XRCC4: variants seen among roughly 807,000 people sequenced by gnomAD.
The protein encoded by XRCC4 is DNA repair protein XRCC4.
Under a neutral mutation model 39.1 loss-of-function variants are expected in XRCC4, and 28 were observed. The observed-to-expected ratio is 0.72, with a 90% CI of 0.53 to 0.98. XRCC4 has a LOEUF of 0.98. Ranked by LOEUF, XRCC4 falls within the 50% of genes least tolerant of loss-of-function variation. The probability of loss-of-function intolerance (pLI) is 0.00; values close to 1 mark genes in which losing one functional copy is unlikely to be tolerated. For synonymous variants in XRCC4, 123 were observed against 126.4 expected (o/e 0.97, Z 0.18); for missense variants, 350 against 376.4 (o/e 0.93, Z 0.58).
intron 3 of XRCC4, among the ~76,000 whole-genome samples, chr5:83,167,034 A>G (rs542040391): frequency 2.0e-5 from 3 of 151,510 alleles, no homozygotes; most frequent in African/African-American, 7.3e-5. Context: ...GGCACACACC[A>G]CCATGCCTGG....
At chr5:83,310,885 C>T (rs1280480092) in intron 7 of XRCC4, 5 of 455,812 alleles carry the variant, frequency 1.1e-5, no homozygotes, top group African/African-American at 4.0e-5. Flanking sequence ...TAAGGAGGAA[C>T]GTGAGCCAAC....
chr5:83,196,166 G>A (rs1375766731), intron 4 of XRCC4, among the ~76,000 whole-genome samples: 1 of 151,872 alleles, frequency 6.6e-6, no homozygotes, highest in African/African-American at 2.4e-5. Flanking sequence ...AAACAATAAG[G>A]ATTAATTGGG....
intron 7 of XRCC4, among the ~76,000 whole-genome samples, chr5:83,338,169 A>G (rs189877300): frequency 6.6e-6 from 1 of 152,338 alleles, no homozygotes; most frequent in Admixed American, 6.5e-5. Flanking sequence ...TTTTTTTGTT[A>G]TGCCAAGGAA....
At chr5:83,173,558 A>G (rs1749823780) in intron 3 of XRCC4, among the ~76,000 whole-genome samples, 1 of 152,156 alleles carries the variant, frequency 6.6e-6, no homozygotes, top group South Asian at 2.1e-4. Flanking sequence ...CTAAAATCAT[A>G]AAGAAGAGAT....
rs148474303 is a variant in XRCC4, at chr5:83,286,171, T to G, written c.893+27494T>G. On this transcript the variant is annotated intron_variant, in intron 7 of 7. Coordinates refer to ENST00000396027, the MANE Select transcript of XRCC4 (RefSeq NM_003401.5). ...AATGGACTGAATTGGTCTGTCTGCG[T>G]GAATTTCACTTTCCTTTCTCAATTA... 9.2e-5 allele frequency among the ~76,000 whole-genome samples: 14 copies of G among 152,250 alleles called. No homozygotes were observed. In the East Asian group the frequency reaches 1.9e-3, roughly 21 times the overall value.
chr5:83,245,639 T>C (rs1753072046), intron 6 of XRCC4, among the ~76,000 whole-genome samples: 1 of 152,072 alleles, frequency 6.6e-6, no homozygotes, highest in Admixed American at 6.5e-5. Context: ...AGATTTCCAA[T>C]AAAAATGTTC....
At chr5:83,235,901 C>T (rs1713653156) in intron 6 of XRCC4, among the ~76,000 whole-genome samples, 1 of 151,790 alleles carries the variant, frequency 6.6e-6, no homozygotes, top group African/African-American at 2.4e-5. Flanking sequence ...ATGCAAAAAT[C>T]AGTAATATAT....
chr5:83,344,221 T>A (rs1756850793), intron 7 of XRCC4, among the ~76,000 whole-genome samples: 1 of 151,740 alleles, frequency 6.6e-6, no homozygotes, highest in African/African-American at 2.4e-5. Context: ...TAAATAAATA[T>A]AATCATTTAT....
At chr5:83,100,813 G>A (rs1745896844) in intron 1 of XRCC4, among the ~76,000 whole-genome samples, 1 of 151,994 alleles carries the variant, frequency 6.6e-6, no homozygotes, top group South Asian at 2.1e-4. Context: ...AACAGTAACA[G>A]ATTTTCCAGT....
intron 3 of XRCC4, among the ~76,000 whole-genome samples, chr5:83,184,774 C>G (rs1411419959): frequency 6.6e-6 from 1 of 152,042 alleles, no homozygotes; most frequent in Non-Finnish European, 1.5e-5. Context: ...TTCATAGGCA[C>G]TCTGGAATGC....
At chr5:83,182,725 T>A (rs758832907) in intron 3 of XRCC4, among the ~76,000 whole-genome samples, 8 of 152,076 alleles carry the variant, frequency 5.3e-5, no homozygotes, top group Admixed American at 1.3e-4. Flanking sequence ...GAGGGCCAGG[T>A]CCTAATGAAT....
intron 3 of XRCC4, among the ~76,000 whole-genome samples, chr5:83,160,647 A>G (rs146293778): frequency 0.015 from 2,271 of 152,288 alleles, 71 homozygotes; most frequent in African/African-American, 0.052. Flanking sequence ...ATATTCTTTC[A>G]GAATTATAAT....
intron 1 of XRCC4, among the ~76,000 whole-genome samples, chr5:83,082,256 G>T (rs145861817): frequency 2.0e-5 from 3 of 152,054 alleles, no homozygotes; most frequent in African/African-American, 7.2e-5. Context: ...ATAAAAAATT[G>T]TGTATTTACA....
At chr5:83,270,158 C>T (rs937103098) in intron 7 of XRCC4, among the ~76,000 whole-genome samples, 1 of 152,128 alleles carries the variant, frequency 6.6e-6, no homozygotes, top group Non-Finnish European at 1.5e-5. Flanking sequence ...TCTAATGCTG[C>T]TGCTGATCTG....
chr5:83,189,740 G>A (rs1484296786), intron 3 of XRCC4, among the ~76,000 whole-genome samples: 2 of 152,124 alleles, frequency 1.3e-5, no homozygotes, highest in African/African-American at 4.8e-5. Flanking sequence ...TTTAGGAGGT[G>A]CATTTGTGAT....
intron 3 of XRCC4, among the ~76,000 whole-genome samples, chr5:83,134,113 G>A (rs1403638851): frequency 1.3e-5 from 2 of 152,160 alleles, no homozygotes; most frequent in East Asian, 1.9e-4. Context: ...TTCCCTATTC[G>A]TGGAATCATT....
chr5:83,214,845 A>T (rs1189258535), intron 6 of XRCC4, among the ~76,000 whole-genome samples: 3 of 125,224 alleles, frequency 2.4e-5, no homozygotes, highest in African/African-American at 8.1e-5. Flanking sequence ...TCAAAAAAAA[A>T]AAATAATAAT....
At chr5:83,290,321 T>C (rs1754876485) in intron 7 of XRCC4, among the ~76,000 whole-genome samples, 1 of 151,678 alleles carries the variant, frequency 6.6e-6, no homozygotes, top group African/African-American at 2.4e-5. Flanking sequence ...TATTCTTATT[T>C]TGACTTATAT....
intron 4 of XRCC4, among the ~76,000 whole-genome samples, chr5:83,198,830 G>T (rs887851221): frequency 6.6e-6 from 1 of 152,050 alleles, no homozygotes; most frequent in Admixed American, 6.6e-5. Flanking sequence ...TTGAACAAGT[G>T]GCATCAGTGG....
Sources: allele counts gnomAD v4.1 joint callset (sites outside exome capture counted in the v4.1 genomes callset), GRCh38; gene constraint gnomAD v4.1.1; transcripts MANE v1.5; gene names NCBI Gene and HGNC (gene_info 2026-07-23, HGNC 2026-07-21).